The following TAFA1 variants were observed in gnomAD, a reference collection of about 807,000 sequenced individuals.
The protein encoded by TAFA1 is chemokine-like protein TAFA-1.
A neutral mutation model predicts 18.5 loss-of-function variants in TAFA1; 4 were observed. The observed-to-expected ratio is 0.22, with a 90% CI of 0.11 to 0.49. The LOEUF is 0.49. Among genes scored for constraint, TAFA1 ranks in the 20% least tolerant of loss-of-function variants. TAFA1 has a pLI of 0.98. For missense variants in TAFA1, 147 were observed against 169.0 expected, an observed-to-expected ratio of 0.87 and a Z score of 0.72; for synonymous variants, 56 against 55.2, an observed-to-expected ratio of 1.01 and a Z score of -0.06.
chr3:68,521,894 C>T (rs1159604783), intron 3 of TAFA1, among the ~76,000 whole-genome samples: 2 of 104,948 alleles, frequency 1.9e-5, no homozygotes, highest in African/African-American at 7.3e-5. Flanking sequence ...GGGTCTCACT[C>T]TGTTACGTAG....
rs1359565349 is a variant in TAFA1 at position 68,544,640 on chromosome 3, T to C, written c.*137T>C. 3.6e-6 allele frequency: 3 copies of C among 840,078 alleles called. No individual in the cohort carries two copies. Among genetic ancestry groups the C allele is most frequent in the Non-Finnish European group, 5.8e-6 (3 of 517,140 alleles). The allele number at this position is 840,078 out of a possible 1,614,324, so 52.0% of individuals were successfully genotyped here. ...CTGGCTACCAGATAATCACAGTGCG[T>C]TTACTGTGTGTAACGAAATATCCTA... On this transcript the variant is annotated 3_prime_UTR_variant, in exon 5 of 5. Coordinates refer to ENST00000478136, the MANE Select transcript of TAFA1 (RefSeq NM_213609.4).
At chr3:68,430,315 T>G (rs1045150434) in intron 3 of TAFA1, among the ~76,000 whole-genome samples, 6 of 151,878 alleles carry the variant, frequency 4.0e-5, no homozygotes, top group African/African-American at 1.4e-4. Flanking sequence ...GCCATGGGTT[T>G]TAATCAAAAA....
intron 2 of TAFA1, among the ~76,000 whole-genome samples, chr3:68,040,558 C>T (rs1705142258): frequency 7.3e-6 from 1 of 137,826 alleles, no homozygotes; most frequent in African/African-American, 2.7e-5. Flanking sequence ...GGTGGTGGGA[C>T]TAATGATCTA....
At chr3:68,479,887 C>G (rs935804178) in intron 3 of TAFA1, among the ~76,000 whole-genome samples, 1 of 152,076 alleles carries the variant, frequency 6.6e-6, no homozygotes, top group Admixed American at 6.6e-5. Context: ...CATACACACA[C>G]ACACACACAA....
At chr3:68,528,573 G>C (rs191643713) in intron 3 of TAFA1, among the ~76,000 whole-genome samples, 1 of 152,300 alleles carries the variant, frequency 6.6e-6, no homozygotes, top group East Asian at 1.9e-4. Context: ...TGTAACAGCT[G>C]TTCCAACAAC....
At chr3:68,257,092 GC>G (rs1438948228) in intron 2 of TAFA1, among the ~76,000 whole-genome samples, 1 of 151,910 alleles carries the variant, frequency 6.6e-6, no homozygotes, top group African/African-American at 2.4e-5. Context: ...CTTCTCTCTG[GC>G]CCTTGACTAT....
intron 2 of TAFA1, among the ~76,000 whole-genome samples, chr3:68,120,245 CT>C (rs1334793743): frequency 2.6e-4 from 17 of 65,206 alleles, no homozygotes; most frequent in Non-Finnish European, 4.3e-4. Context: ...TTCTTTCTTT[CT>C]TTCTTTCTTT....
intron 2 of TAFA1, among the ~76,000 whole-genome samples, chr3:68,106,589 A>C (rs2065207251): frequency 6.6e-6 from 1 of 152,138 alleles, no homozygotes; most frequent in East Asian, 1.9e-4. Context: ...TGAAAGGTAA[A>C]TTAAGCTTTA....
intron 2 of TAFA1, among the ~76,000 whole-genome samples, chr3:68,286,240 A>T (rs1039677107): frequency 1.3e-4 from 19 of 147,470 alleles, no homozygotes; most frequent in African/African-American, 2.7e-4. Context: ...TAACAAATTT[A>T]AAAAAATTTT....
At chr3:68,051,279 G>T (rs184957446) in intron 2 of TAFA1, among the ~76,000 whole-genome samples, 1 of 152,218 alleles carries the variant, frequency 6.6e-6, no homozygotes, top group East Asian at 1.9e-4. Context: ...CTTCCTGGCA[G>T]AACTCACTGC....
At chr3:68,026,812 A>G (rs766428611) in intron 2 of TAFA1, among the ~76,000 whole-genome samples, 14 of 152,166 alleles carry the variant, frequency 9.2e-5, no homozygotes, top group Non-Finnish European at 1.9e-4. Context: ...GGTTGTATTA[A>G]TTCATTCTTG....
intron 3 of TAFA1, among the ~76,000 whole-genome samples, chr3:68,427,757 C>T (rs1218849457): frequency 6.6e-6 from 1 of 151,816 alleles, no homozygotes; most frequent in African/African-American, 2.4e-5. Flanking sequence ...TCCCATAATC[C>T]CCACATGTCA....
At chr3:68,526,751 C>T (rs1230175456) in intron 3 of TAFA1, among the ~76,000 whole-genome samples, 4 of 151,658 alleles carry the variant, frequency 2.6e-5, no homozygotes, top group Non-Finnish European at 4.4e-5. Flanking sequence ...AGAAAAATAC[C>T]AAAGTGTAAA....
At chr3:68,398,542 T>C (rs1418706032) in intron 2 of TAFA1, among the ~76,000 whole-genome samples, 6 of 152,206 alleles carry the variant, frequency 3.9e-5, no homozygotes, top group Admixed American at 3.9e-4. Context: ...CATTATTGAC[T>C]GCAGTAGAAG....
At position 68,256,654 on chromosome 3, in the gene TAFA1, A is replaced by T. The variant is rs556550489; in HGVS notation, c.119-160626A>T. ...AATGTACATGGCCTTGGCATTGTGT[A>T]AAATGTTATTTGGACACTCTGGAAG... On this transcript the variant is annotated intron_variant, in intron 2 of 4. Coordinates refer to ENST00000478136, the MANE Select transcript of TAFA1 (RefSeq NM_213609.4). Among the ~76,000 whole-genome samples, 13 of 152,288 alleles carry T rather than the reference A, an allele frequency of 8.5e-5. No individual in the cohort carries two copies. In the South Asian group the frequency reaches 1.2e-3, roughly 15 times the overall value.
chr3:68,498,223 GAA>G (rs1181441139), intron 3 of TAFA1, among the ~76,000 whole-genome samples: 1 of 152,180 alleles, frequency 6.6e-6, no homozygotes, highest in Non-Finnish European at 1.5e-5. Flanking sequence ...CAATGAGGAT[GAA>G]AAGTGTGAAA....
At chr3:68,507,935 C>T (rs1005936217) in intron 3 of TAFA1, among the ~76,000 whole-genome samples, 1 of 152,078 alleles carries the variant, frequency 6.6e-6, no homozygotes, top group Non-Finnish European at 1.5e-5. Flanking sequence ...GCAAGATATA[C>T]CAAAAAATCT....
chr3:68,016,657 C>T (rs1704576726), intron 2 of TAFA1, among the ~76,000 whole-genome samples: 2 of 152,096 alleles, frequency 1.3e-5, no homozygotes, highest in Admixed American at 1.3e-4. Flanking sequence ...GACAAAATCA[C>T]CTAATGATGT....
At chr3:68,481,505 T>C (rs935713889) in intron 3 of TAFA1, among the ~76,000 whole-genome samples, 5 of 152,292 alleles carry the variant, frequency 3.3e-5, no homozygotes, top group Admixed American at 3.3e-4. Flanking sequence ...TTGGCTTTCA[T>C]GACAACACAC....
Sources: allele counts gnomAD v4.1 joint callset (sites outside exome capture counted in the v4.1 genomes callset), GRCh38; gene constraint gnomAD v4.1.1; transcripts MANE v1.5; gene names NCBI Gene and HGNC (gene_info 2026-07-23, HGNC 2026-07-21).